Variants in KPNA2 observed in about 807,000 individuals in gnomAD.
KPNA2 encodes importin subunit alpha-1.
Under a neutral mutation model 53.7 loss-of-function variants are expected in KPNA2, and 20 were observed. The ratio of observed to expected loss-of-function variants is 0.37; its 90% CI spans 0.26 to 0.54. The LOEUF (loss-of-function observed/expected upper bound fraction) is 0.54. Ranked by LOEUF, KPNA2 falls within the 20% of genes least tolerant of loss-of-function variation. The probability of loss-of-function intolerance (pLI) is 0.83; values close to 1 mark genes in which losing one functional copy is unlikely to be tolerated. For missense variants in KPNA2, 515 were observed against 640.3 expected (o/e 0.80, Z 2.11); for synonymous variants, 238 against 227.5 (o/e 1.05, Z -0.42).
At chr17:68,041,596 C>G (rs1314868155) in intron 4 of KPNA2, among the ~76,000 whole-genome samples, 1 of 152,112 alleles carries the variant, frequency 6.6e-6, no homozygotes, top group Non-Finnish European at 1.5e-5. Flanking sequence ...TGTGGCGGTG[C>G]ACACTTGTCG....
intron 4 of KPNA2, 78 bp downstream of exon 4, chr17:68,040,844 A>C: frequency 2.4e-6 from 2 of 841,352 alleles, no homozygotes; most frequent in Non-Finnish European, 4.1e-6. Flanking sequence ...TGGGGCAGGA[A>C]GGGACAGACA....
intron 1 of KPNA2, 127 bp downstream of exon 1, chr17:68,035,967 A>G (rs574424473): frequency 1.3e-5 from 2 of 152,294 alleles, no homozygotes; most frequent in South Asian, 2.1e-4. Flanking sequence ...CGCGTTGACT[A>G]GGCCTCGGGG....
At chr17:68,043,654 C>T (rs547558073) in intron 7 of KPNA2, among the ~76,000 whole-genome samples, 184 bp from the exon 8 acceptor site, 5 of 146,978 alleles carry the variant, frequency 3.4e-5, no homozygotes, top group South Asian at 2.2e-4. Flanking sequence ...TGCAGTGACC[C>T]GAAATCGTGC....
At chr17:68,040,853 CAGAT>C (rs201365288) in intron 4 of KPNA2, 87 bp downstream of exon 4, 44 of 804,870 alleles carry the variant, frequency 5.5e-5, no homozygotes, top group Admixed American at 3.6e-4. Context: ...AAGGGACAGA[CAGAT>C]AGTACAAGGA....
intron 3 of KPNA2, among the ~76,000 whole-genome samples, chr17:68,039,814 T>C (rs1279579287): frequency 1.3e-5 from 2 of 148,916 alleles, no homozygotes; most frequent in Non-Finnish European, 3.0e-5. Flanking sequence ...AGCTCATGCC[T>C]GTAATTCCAG....
Position 68,045,839 on chromosome 17 carries a change from A to G in KPNA2, c.1415A>G (p.Lys472Arg). 1 of 1,608,456 alleles carries G rather than the reference A, an allele frequency of 6.2e-7. No individual in the cohort carries two copies. Among genetic ancestry groups the G allele is most frequent in the Admixed American group, 1.7e-5 (1 of 59,624 alleles). The change falls in exon 10 of 11, where the codon AAA becomes AGA. Residue 472 changes from lysine (K) to arginine (R), a missense_variant. By Grantham distance (26) the Lys-to-Arg change is conservative. Coordinates refer to ENST00000330459, the MANE Select transcript of KPNA2 (RefSeq NM_002266.4). ...IMIEECGGLD[K>R]IEALQNHENE... is the part of the protein sequence containing the mutation. ...ATTGAAGAATGTGGAGGCTTAGACA[A>G]AATTGAAGCTCTACAAAACCATGAA...
At position 68,044,024 on chromosome 17, in the gene KPNA2, G is replaced by C. The variant is rs147590540; in HGVS notation, c.1117G>C (p.Val373Leu). The C allele has an allele frequency of 1.2e-6, 2 of 1,613,856 alleles. No individual in the cohort carries two copies. The highest frequency in any genetic ancestry group is 1.7e-6 in the Non-Finnish European group (2 of 1,179,888). ...CGGCCGCCAGGACCAGATACAGCAA[G>C]TTGTGAATCATGGATTAGTCCCATT... ...TAGRQDQIQQ[V>L]VNHGLVPFLV... Residue 373 changes from valine to leucine, a missense_variant, in exon 8 of 11, where the codon GTT becomes CTT. Physicochemically the swap from Val to Leu is conservative, Grantham distance 32. Transcript: ENST00000330459.
At chr17:68,037,336 C>G (rs1054429780) in intron 2 of KPNA2, 22 bp from the exon 3 acceptor site, 13 of 1,605,864 alleles carry the variant, frequency 8.1e-6, no homozygotes, top group Non-Finnish European at 1.1e-5. Flanking sequence ...ATAGGTGAAA[C>G]GGCATGTTAT....
At position 68,044,586 on chromosome 17, in the gene KPNA2, T is replaced by TA; in HGVS notation, c.1347+85dup. The TA allele has an allele frequency of 3.6e-6, 4 of 1,104,814 alleles. No homozygotes were observed. In the South Asian group the frequency reaches 5.8e-5, roughly 16 times the overall value. 68.4% of individuals were successfully genotyped at this position (1,104,814 alleles called of 1,614,324 possible). ...ATTTAGACTTGGGGGAGGGCAGCTG[T>TA]AAGTTTACTCACTAGTAAGCCACAG... On this transcript the variant is annotated intron_variant, in intron 9 of 10. Coordinates refer to ENST00000330459, the MANE Select transcript of KPNA2 (RefSeq NM_002266.4).
At chr17:68,040,388 C>A (rs377753950) in intron 3 of KPNA2, among the ~76,000 whole-genome samples, 6 of 151,730 alleles carry the variant, frequency 4.0e-5, no homozygotes, top group Admixed American at 1.3e-4. Flanking sequence ...AGCCACCATG[C>A]CTGTCCTTCT....
chr17:68,040,833 G>GA, intron 4 of KPNA2, 67 bp downstream of exon 4: 2 of 971,412 alleles, frequency 2.1e-6, no homozygotes, highest in South Asian at 2.6e-5. Flanking sequence ...TTTTTGGGGG[G>GA]TGGGGCAGGA....
chr17:68,044,279 T>C lies in KPNA2; in HGVS notation c.1165-42T>C, dbSNP rs113946613. On this transcript the variant is annotated intron_variant, in intron 8 of 10. Transcript: ENST00000330459. ...AAAAGTACTCTTGGAATCTTATTTG[T>C]GCAACTGTTCTGAAATAAAACCATT... The C allele has an allele frequency of 1.1e-3, 1,746 of 1,545,274 alleles. 11 individuals carry two copies. The African/African-American group carries it at 0.02, about 17-fold the overall frequency.
At chr17:68,046,206 T>TA (rs1297253178) in intron 10 of KPNA2, among the ~76,000 whole-genome samples, 3 of 152,114 alleles carry the variant, frequency 2.0e-5, no homozygotes, top group African/African-American at 4.8e-5. Flanking sequence ...TAGGAGGTGA[T>TA]AGAGAAGTAG....
chr17:68,037,658 C>T (rs1426838259), intron 3 of KPNA2, among the ~76,000 whole-genome samples, 163 bp downstream of exon 3: 8 of 152,148 alleles, frequency 5.3e-5, no homozygotes. Flanking sequence ...TCTTTCCTGC[C>T]TTCTGTAATC....
intron 2 of KPNA2, 29 bp from the exon 3 acceptor site, chr17:68,037,328 AG>A (rs1555703923): frequency 1.2e-5 from 19 of 1,605,064 alleles, no homozygotes; most frequent in Non-Finnish European, 1.6e-5. Context: ...CTGGTGTGAT[AG>A]GTGAAACGGC....
At position 68,043,102 on chromosome 17, in the gene KPNA2, T is replaced by C. The variant is rs781974752; in HGVS notation, c.669T>C (p.Cys223=). ...LAVPDMSSLA[C]GYLRNLTWTL... is the part of the protein sequence containing the mutation. ...ATTGCCTATTTTTTTTCCCCCAGTGTGGCTACTTACGTAATCTTACCTGGA... is the reference window on the plus strand; with the variant it reads ...ATTGCCTATTTTTTTTCCCCCAGTGCGGCTACTTACGTAATCTTACCTGGA... Residue 223 remains cysteine, a splice_region_variant and synonymous_variant, in exon 7 of 11, where the codon TGT becomes TGC. Coordinates refer to ENST00000330459, the MANE Select transcript of KPNA2 (RefSeq NM_002266.4). The C allele has an allele frequency of 6.2e-7, 1 of 1,614,022 alleles. No individual in the cohort carries two copies. Among genetic ancestry groups the C allele is most frequent in the East Asian group, 2.2e-5 (1 of 44,870 alleles).
chr17:68,042,132 G>C lies in KPNA2; in HGVS notation c.350G>C (p.Arg117Pro). The change falls in exon 5 of 11, where the codon CGG becomes CCG. Residue 117 changes from arginine (R) to proline (P), a missense_variant. Arg to Pro is a moderately radical substitution (Grantham distance 103). Coordinates refer to ENST00000330459, the MANE Select transcript of KPNA2 (RefSeq NM_002266.4). ...CAGCCCCCCATAGACAACATAATCC[G>C]GGCTGGTTTGATTCCGAAATTTGTG... ...EKQPPIDNII[R>P]AGLIPKFVSF... The C allele has an allele frequency of 6.2e-7, 1 of 1,613,888 alleles. No individual in the cohort carries two copies. Among genetic ancestry groups the C allele is most frequent in the Non-Finnish European group, 8.5e-7 (1 of 1,179,804 alleles).
chr17:68,038,853 A>G (rs2071220399), intron 3 of KPNA2, among the ~76,000 whole-genome samples: 1 of 152,290 alleles, frequency 6.6e-6, no homozygotes, highest in South Asian at 2.1e-4. Flanking sequence ...CCTCGTCTCT[A>G]TAAAAAGTAA....
chr17:68,040,839 C>T, intron 4 of KPNA2, 73 bp downstream of exon 4: 1 of 861,532 alleles, frequency 1.2e-6, no homozygotes, highest in Non-Finnish European at 2.0e-6. Flanking sequence ...GGGGGTGGGG[C>T]AGGAAGGGAC....
Sources: allele counts gnomAD v4.1 joint callset (sites outside exome capture counted in the v4.1 genomes callset), GRCh38; gene constraint gnomAD v4.1.1; transcripts MANE v1.5; gene names NCBI Gene and HGNC (gene_info 2026-07-23, HGNC 2026-07-21).